Variants in SLC24A3 observed in about 807,000 individuals in gnomAD.
The protein encoded by SLC24A3 is sodium/potassium/calcium exchanger 3.
SLC24A3 carries 28 observed loss-of-function variants against 75.8 expected under a neutral mutation model. That is an observed-to-expected ratio of 0.37 (90% CI 0.27 to 0.51). The LOEUF (loss-of-function observed/expected upper bound fraction) is 0.51. Ranked by LOEUF, SLC24A3 falls within the 20% of genes least tolerant of loss-of-function variation. The pLI is 0.94. For missense variants in SLC24A3, 663 were observed against 847.8 expected, an observed-to-expected ratio of 0.78 and a Z score of 2.71; for synonymous variants, 372 against 334.1, an observed-to-expected ratio of 1.11 and a Z score of -1.24.
intron 2 of SLC24A3, among the ~76,000 whole-genome samples, chr20:19,446,358 T>C (rs1419632383): frequency 6.6e-6 from 1 of 152,212 alleles, no homozygotes; most frequent in African/African-American, 2.4e-5. Context: ...TTAGGTGTGA[T>C]ATAATTACTG....
Position 19,585,047 on chromosome 20 carries a change from C to T in SLC24A3, c.500C>T (p.Ser167Leu). 2.5e-6 allele frequency: 4 copies of T among 1,613,216 alleles called. No homozygotes were observed. Among genetic ancestry groups the T allele is most frequent in the Non-Finnish European group, 2.5e-6 (3 of 1,179,250 alleles). Reference protein sequence around the residue: ...AGSSAPELFTSVIGVFITKGD... With the variant: ...AGSSAPELFTLVIGVFITKGD... ...AGTTCGGCCCCAGAGCTGTTCACAT[C>T]GGTCATAGGTAGGTGACAGACTGAG... Residue 167 changes from serine (S) to leucine (L), a missense_variant, in exon 5 of 17, where the codon TCG becomes TTG. Physicochemically the swap from Ser to Leu is moderately radical, Grantham distance 145 (BLOSUM62 -2). Transcript: ENST00000328041.
At chr20:19,299,535 C>T (rs1275361122) in intron 2 of SLC24A3, among the ~76,000 whole-genome samples, 7 of 152,136 alleles carry the variant, frequency 4.6e-5, no homozygotes, top group African/African-American at 1.4e-4. Context: ...ACTCCTTGTA[C>T]AAGAAAATAG....
intron 3 of SLC24A3, among the ~76,000 whole-genome samples, chr20:19,567,176 G>A (rs1281342470): frequency 2.6e-5 from 4 of 152,154 alleles, no homozygotes; most frequent in African/African-American, 7.2e-5. Context: ...CCAATATATA[G>A]AATAGTTCAC....
At chr20:19,437,636 C>G (rs1218136216) in intron 2 of SLC24A3, among the ~76,000 whole-genome samples, 1 of 152,166 alleles carries the variant, frequency 6.6e-6, no homozygotes, top group Non-Finnish European at 1.5e-5. Context: ...GGCCAATTGA[C>G]CCAAACGGCC....
At chr20:19,388,553 T>C (rs1986311449) in intron 2 of SLC24A3, among the ~76,000 whole-genome samples, 1 of 152,030 alleles carries the variant, frequency 6.6e-6, no homozygotes, top group African/African-American at 2.4e-5. Context: ...CTACTAGAAA[T>C]ACAAAAAATT....
intron 2 of SLC24A3, among the ~76,000 whole-genome samples, chr20:19,369,231 G>A (rs115091824): frequency 0.02 from 3,037 of 152,296 alleles, 107 homozygotes; most frequent in African/African-American, 0.069. Flanking sequence ...TGCAGTTAGC[G>A]TCACCAGTGA....
chr20:19,476,222 A>G (rs1987960021), intron 2 of SLC24A3, among the ~76,000 whole-genome samples: 2 of 152,222 alleles, frequency 1.3e-5, no homozygotes, highest in Non-Finnish European at 2.9e-5. Flanking sequence ...AGCAATTGAT[A>G]TTAATCTGAG....
intron 2 of SLC24A3, among the ~76,000 whole-genome samples, chr20:19,335,454 A>G (rs541316666): frequency 1.1e-4 from 16 of 152,350 alleles, no homozygotes; most frequent in Non-Finnish European, 2.1e-4. Context: ...AGCTCTGCAC[A>G]CAGAGAACAG....
intron 6 of SLC24A3, among the ~76,000 whole-genome samples, chr20:19,634,296 C>T (rs1444468121): frequency 2.0e-5 from 3 of 152,092 alleles, no homozygotes; most frequent in Non-Finnish European, 4.4e-5. Flanking sequence ...ATGATTAGCT[C>T]GTTCTCTCCC....
At position 19,496,791 on chromosome 20, in the gene SLC24A3, G is replaced by A. The variant is rs147617221; in HGVS notation, c.272-18697G>A. Among the ~76,000 whole-genome samples, 58 of 152,196 alleles carry A rather than the reference G, an allele frequency of 3.8e-4. No individual in the cohort carries two copies. The East Asian group carries it at 0.01, about 26-fold the overall frequency. ...GGCTCCTGAGTGTAGAAGCACTCTG[G>A]GAGCTGGAGTTAGCAAAATGGTAAA... is the stretch of plus-strand genomic sequence containing the variant. On this transcript the variant is annotated intron_variant, in intron 2 of 16. Coordinates refer to ENST00000328041, the MANE Select transcript of SLC24A3 (RefSeq NM_020689.4).
chr20:19,297,044 T>A (rs916367448), intron 2 of SLC24A3, among the ~76,000 whole-genome samples: 6 of 152,188 alleles, frequency 3.9e-5, no homozygotes, highest in Non-Finnish European at 8.8e-5. Context: ...AAAACTAGAA[T>A]GAATTTTATA....
intron 15 of SLC24A3, among the ~76,000 whole-genome samples, chr20:19,703,127 T>A (rs1275758805): frequency 6.6e-6 from 1 of 152,228 alleles, no homozygotes; most frequent in Non-Finnish European, 1.5e-5. Context: ...TTCTGCATTC[T>A]CCTTATTCTA....
At chr20:19,601,950 A>C (rs1422934078) in intron 6 of SLC24A3, among the ~76,000 whole-genome samples, 1 of 152,226 alleles carries the variant, frequency 6.6e-6, no homozygotes, top group African/African-American at 2.4e-5. Flanking sequence ...AGGCGGACGG[A>C]TCACCTGAGG....
chr20:19,684,447 G>A lies in SLC24A3; in HGVS notation c.1062+111G>A, dbSNP rs541579691. On this transcript the variant is annotated intron_variant, in intron 11 of 16. Transcript: ENST00000328041. The stretch of plus-strand genomic sequence containing the variant: ...AGCACCTAACTCAAAGTTTAACACC[G>A]CAGCATCCCTCAGCCATTTCCTAAT... 101 of 1,233,210 alleles carry A rather than the reference G, an allele frequency of 8.2e-5. 1 individual carries two copies. In the Middle Eastern group the frequency reaches 8.5e-4, roughly 10 times the overall value. The allele number at this position is 1,233,210 out of a possible 1,614,324, so 76.4% of individuals were successfully genotyped here. A position where few individuals can be genotyped will look rare whatever the true frequency, so the allele number is the denominator to read the frequency against.
At chr20:19,349,803 T>C (rs972957216) in intron 2 of SLC24A3, among the ~76,000 whole-genome samples, 3 of 152,354 alleles carry the variant, frequency 2.0e-5, no homozygotes, top group South Asian at 4.1e-4. Context: ...CAAATTCAGA[T>C]TGAATGACTC....
intron 2 of SLC24A3, among the ~76,000 whole-genome samples, chr20:19,314,277 A>ATTTTATTTTAT (rs150144853): frequency 4.0e-5 from 5 of 126,442 alleles, no homozygotes; most frequent in Admixed American, 8.1e-5. Context: ...GTTTTTATTT[A>ATTTTATTTTAT]TTTATTTTAT....
chr20:19,401,712 A>G, intron 2 of SLC24A3, among the ~76,000 whole-genome samples: 1 of 152,210 alleles, frequency 6.6e-6, no homozygotes, highest in East Asian at 1.9e-4. Context: ...CTCACAAAGC[A>G]TGTTTTGCCT....
chr20:19,287,814 G>A (rs1020946809), intron 2 of SLC24A3, among the ~76,000 whole-genome samples: 1 of 152,208 alleles, frequency 6.6e-6, no homozygotes, highest in Admixed American at 6.5e-5. Flanking sequence ...AAGAACTTGG[G>A]TTCTGGAGTA....
chr20:19,643,265 G>A lies in SLC24A3; in HGVS notation c.613-10797G>A, dbSNP rs540228286. 2.6e-5 allele frequency among the ~76,000 whole-genome samples: 4 copies of A among 152,234 alleles called. No homozygotes were observed. The South Asian group carries it at 6.2e-4, about 24-fold the overall frequency. On this transcript the variant is annotated intron_variant, in intron 6 of 16. Transcript: ENST00000328041. The stretch of plus-strand genomic sequence containing the variant: ...GGAGGAGTCACCCACATTTTTAAAC[G>A]CATGCTCCATTTTAAGCCAGATTAG...
Sources: allele counts gnomAD v4.1 joint callset (sites outside exome capture counted in the v4.1 genomes callset), GRCh38; gene constraint gnomAD v4.1.1; transcripts MANE v1.5; gene names NCBI Gene and HGNC (gene_info 2026-07-23, HGNC 2026-07-21).